The following RNF170 variants were observed in gnomAD, a reference collection of about 807,000 sequenced individuals.
RNF170 encodes the protein ring finger protein 170, also known as E3 ubiquitin-protein ligase RNF170.
In RNF170, 12 loss-of-function variants were observed where a neutral mutation model predicts 32.7. The ratio of observed to expected loss-of-function variants is 0.37; its 90% confidence interval spans 0.24 to 0.60. RNF170 has a LOEUF of 0.60. RNF170 is among the 20% of genes least tolerant of loss of function. The pLI, the probability that RNF170 is intolerant of heterozygous loss-of-function variation, is 0.72. For synonymous variants in RNF170, 91 were observed against 103.6 expected, an observed-to-expected ratio of 0.88 and a Z score of 0.74; for missense variants, 212 against 311.2, an observed-to-expected ratio of 0.68 and a Z score of 2.40.
At chr8:42,852,469 G>A (rs543619465), downstream of RNF170, among the ~76,000 whole-genome samples, 1 of 151,984 alleles carries the variant, frequency 6.6e-6, no homozygotes, top group African/African-American at 2.4e-5. Flanking sequence ...CCAGGCTGGA[G>A]TGCAATGGCA....
chr8:42,873,548 G>GA (rs886480425), intron 3 of RNF170, among the ~76,000 whole-genome samples: 115 of 147,716 alleles, frequency 7.8e-4, no homozygotes, highest in Middle Eastern at 3.4e-3. Flanking sequence ...GAAAAAAGGA[G>GA]AAAAAAAAAC....
In RNF170 at chr8:42,855,545, T is replaced by C. The variant is rs536074264; in HGVS notation, c.*614A>G. On this transcript the variant is annotated 3_prime_UTR_variant, in exon 7 of 7. Coordinates refer to ENST00000527424, the MANE Select transcript of RNF170 (RefSeq NM_030954.4). ...ATCTTAATTCTTCTATTGATTAAAA[T>C]GTGTTCTGTAAACTAGAATATGATA... The C allele has an allele frequency of 6.2e-6, 8 of 1,284,284 alleles. No individual in the cohort carries two copies. In the African/African-American group the frequency reaches 9.1e-5, roughly 15 times the overall value. The allele number at this position is 1,284,284 out of a possible 1,614,324, so 79.6% of individuals were successfully genotyped here.
chr8:42,895,838 T>A (rs1210127449), intron 1 of RNF170, among the ~76,000 whole-genome samples: 1 of 152,130 alleles, frequency 6.6e-6, no homozygotes, highest in African/African-American at 2.4e-5. Context: ...TGTAAGGAAA[T>A]GATCACACTA....
chr8:42,887,578 A>G (rs1458148630), intron 2 of RNF170, 150 bp downstream of exon 2: 1 of 721,106 alleles, frequency 1.4e-6, no homozygotes, highest in Admixed American at 2.3e-5. Flanking sequence ...TTAGCATTCA[A>G]AGCCCCGTGG....
Position 42,855,619 on chromosome 8 carries a change from ATAAT to A in RNF170, c.*536_*539del, listed in dbSNP as rs760097844. 1.1e-4 allele frequency: 143 copies of A among 1,281,552 alleles called. No homozygotes were observed. The African/African-American group carries it at 1.6e-3, about 14-fold the overall frequency. 79.4% of individuals were successfully genotyped at this position (1,281,552 alleles called of 1,614,324 possible). A position where few individuals can be genotyped will look rare whatever the true frequency, so the allele number is the denominator to read the frequency against. ...TTCTTTCAGTTTCAGCTGATAGCAA[ATAAT>A]TAATTATACCAGAATGAAAAGGCAG... On this transcript the variant is annotated 3_prime_UTR_variant, in exon 7 of 7. Coordinates refer to ENST00000527424, the MANE Select transcript of RNF170 (RefSeq NM_030954.4).
Position 42,854,984 on chromosome 8 carries a change from T to C in RNF170, c.*1175A>G, listed in dbSNP as rs889256238. The stretch of plus-strand genomic sequence containing the variant: ...CCAATCTGTTGCTATAGCTAACCAG[T>C]AATTTCTTTTGTCAAATGTAAATAC... On this transcript the variant is annotated 3_prime_UTR_variant, in exon 7 of 7. Transcript: ENST00000527424. 9.3e-6 allele frequency: 12 copies of C among 1,287,226 alleles called. No individual in the cohort carries two copies. Among genetic ancestry groups the C allele is most frequent in the Non-Finnish European group, 1.2e-5 (12 of 988,682 alleles). The allele number at this position is 1,287,226 out of a possible 1,614,324, so 79.7% of individuals were successfully genotyped here. A position where few individuals can be genotyped will look rare whatever the true frequency, so the allele number is the denominator to read the frequency against.
intron 6 of RNF170, 156 bp downstream of exon 6, chr8:42,861,589 T>TG: frequency 1.5e-6 from 1 of 654,760 alleles, no homozygotes; most frequent in Non-Finnish European, 2.8e-6. Flanking sequence ...GTGATCCACC[T>TG]GCCTTGGCCT....
Position 42,854,283 on chromosome 8 carries a change from T to G in RNF170, c.*1876A>C. 1 of 1,287,242 alleles carries G rather than the reference T, an allele frequency of 7.8e-7. No homozygotes were observed. The highest frequency in any genetic ancestry group is 1.0e-6 in the Non-Finnish European group (1 of 988,698). 79.7% of individuals were successfully genotyped at this position (1,287,242 alleles called of 1,614,324 possible). On this transcript the variant is annotated 3_prime_UTR_variant, in exon 7 of 7. Transcript: ENST00000527424. ...CCAGTTTCTCTCTTGCTGTTCCTCTTAACAACTTTCACGTCTATCTAAACA... is the reference window on the plus strand; with the variant it reads ...CCAGTTTCTCTCTTGCTGTTCCTCTGAACAACTTTCACGTCTATCTAAACA...
intron 4 of RNF170, among the ~76,000 whole-genome samples, chr8:42,866,577 C>T (rs1187761437): frequency 2.0e-5 from 3 of 148,074 alleles, no homozygotes; most frequent in African/African-American, 5.0e-5. Context: ...TGCGAGACTC[C>T]GTCTCAGAAA....
intron 2 of RNF170, among the ~76,000 whole-genome samples, chr8:42,877,801 T>A (rs1319793361): frequency 6.6e-6 from 1 of 152,100 alleles, no homozygotes; most frequent in East Asian, 1.9e-4. Context: ...TCAGAAACTA[T>A]GTATATCAAA....
intron 1 of RNF170, among the ~76,000 whole-genome samples, chr8:42,893,569 G>C (rs1032229874): frequency 1.3e-5 from 2 of 152,188 alleles, no homozygotes; most frequent in Admixed American, 1.3e-4. Flanking sequence ...GGGTGTGGCA[G>C]GGGAAGTGCT....
At chr8:42,879,794 C>G (rs755797693) in intron 2 of RNF170, among the ~76,000 whole-genome samples, 1 of 152,134 alleles carries the variant, frequency 6.6e-6, no homozygotes, top group South Asian at 2.1e-4. Context: ...CGTGCCTCAG[C>G]CTCCCAAGTT....
At chr8:42,858,361 G>A (rs1440897419) in intron 6 of RNF170, among the ~76,000 whole-genome samples, 1 of 152,170 alleles carries the variant, frequency 6.6e-6, no homozygotes, top group East Asian at 1.9e-4. Flanking sequence ...GCACATGTCT[G>A]TTTAACACTG....
chr8:42,896,407 CAAG>C (rs1223220651), intron 1 of RNF170, 74 bp downstream of exon 1: 2 of 450,790 alleles, frequency 4.4e-6, no homozygotes, highest in East Asian at 7.1e-5. Flanking sequence ...AGAGCTACCC[CAAG>C]AAGGCCAGAC....
Position 42,896,591 on chromosome 8 carries a change from T to A in RNF170, c.-115A>T, listed in dbSNP as rs747437929. The A allele has an allele frequency of 3.7e-5, 17 of 453,534 alleles. No individual in the cohort carries two copies. The highest frequency in any genetic ancestry group is 3.4e-4 in the African/African-American group (17 of 49,902). The allele number at this position is 453,534 out of a possible 1,614,324, so 28.1% of individuals were successfully genotyped here. A position where few individuals can be genotyped will look rare whatever the true frequency, so the allele number is the denominator to read the frequency against. Reference sequence around the variant, plus strand: ...CGGGCAACCCACTAGACGTCCCCTTTCTAATTTGGAGTGCGGGTGCGGGCG... The same window carrying A: ...CGGGCAACCCACTAGACGTCCCCTTACTAATTTGGAGTGCGGGTGCGGGCG... On this transcript the variant is annotated 5_prime_UTR_variant, in exon 1 of 7. Coordinates refer to ENST00000527424, the MANE Select transcript of RNF170 (RefSeq NM_030954.4).
chr8:42,860,595 G>A (rs1212613672), intron 6 of RNF170, among the ~76,000 whole-genome samples: 1 of 151,860 alleles, frequency 6.6e-6, no homozygotes, highest in Admixed American at 6.6e-5. Flanking sequence ...GCTAATTTTT[G>A]TATTTTTAGT....
At chr8:42,870,749 TGTCAAACTGTTTTCTAA>T (rs1401835008) in intron 3 of RNF170, among the ~76,000 whole-genome samples, 3 of 152,096 alleles carry the variant, frequency 2.0e-5, no homozygotes, top group African/African-American at 7.2e-5. Context: ...AAATATCAAA[TGTCAAACTGTTTTCTAA>T]GTCTTCACTT....
Position 42,853,437 on chromosome 8 carries a change from T to G in RNF170, c.*2722A>C, listed in dbSNP as rs535320269. ...TCTGCATAGCCACAAGGGATCCACA[T>G]AGTCCTTTCTTCCCTTGTACCTCTC... is the stretch of plus-strand genomic sequence containing the variant. On this transcript the variant is annotated 3_prime_UTR_variant, in exon 7 of 7. Transcript: ENST00000527424. The G allele has an allele frequency of 9.1e-5, 117 of 1,287,014 alleles. No homozygotes were observed. In the African/African-American group the frequency reaches 1.5e-3, roughly 17 times the overall value. 79.7% of individuals were successfully genotyped at this position (1,287,014 alleles called of 1,614,324 possible). A position where few individuals can be genotyped will look rare whatever the true frequency, so the allele number is the denominator to read the frequency against.
chr8:42,860,993 C>G (rs1408250393), intron 6 of RNF170, among the ~76,000 whole-genome samples: 1 of 152,154 alleles, frequency 6.6e-6, no homozygotes, highest in Admixed American at 6.5e-5. Flanking sequence ...GCTGGGATTA[C>G]AGGCGTGAGC....
Sources: gnomAD v4.1 joint callset for allele counts (sites outside exome capture counted in the v4.1 genomes callset) on GRCh38, gnomAD v4.1.1 for gene constraint, MANE v1.5 for transcripts, NCBI Gene and HGNC (gene_info 2026-07-23, HGNC 2026-07-21) for gene names.